CDH26: variants seen among roughly 807,000 people sequenced by gnomAD.
CDH26 encodes cadherin-like protein 26.
In CDH26, 83 loss-of-function variants were observed where a neutral mutation model predicts 90.3. That is an observed-to-expected ratio of 0.92 (90% CI 0.77 to 1.10). The LOEUF is 1.10. Ranked by LOEUF, CDH26 falls within the 50% of genes least tolerant of loss-of-function variation. The probability of loss-of-function intolerance (pLI) is 0.00; values close to 1 mark genes in which losing one functional copy is unlikely to be tolerated. For synonymous variants in CDH26, 397 were observed against 396.3 expected, an observed-to-expected ratio of 1.00 and a Z score of -0.02; for missense variants, 1,013 against 1,037.6, an observed-to-expected ratio of 0.98 and a Z score of 0.33.
rs1342905235 is a variant in CDH26, at chr20:59,971,876, C to T, written c.232-86C>T. ...GCTGGGTATAATTTCTTAAAGATGC[C>T]ATTGATTCTTAGCCTTGATACTTGA... is the stretch of plus-strand genomic sequence containing the variant. On this transcript the variant is annotated intron_variant, in intron 3 of 17. Transcript: ENST00000348616. 2.8e-6 allele frequency: 3 copies of T among 1,083,962 alleles called. No homozygotes were observed. The African/African-American group carries it at 4.7e-5, about 17-fold the overall frequency. 67.1% of individuals were successfully genotyped at this position (1,083,962 alleles called of 1,614,324 possible). A position where few individuals can be genotyped will look rare whatever the true frequency, so the allele number is the denominator to read the frequency against.
intron 8 of CDH26, among the ~76,000 whole-genome samples, chr20:60,032,544 C>G (rs988726423): frequency 1.3e-5 from 2 of 152,054 alleles, no homozygotes; most frequent in Non-Finnish European, 2.9e-5. Context: ...AAGACACATG[C>G]ACACGTATGT....
chr20:60,019,864 T>G (rs2146029812), intron 7 of CDH26, among the ~76,000 whole-genome samples: 1 of 152,340 alleles, frequency 6.6e-6, no homozygotes, highest in Non-Finnish European at 1.5e-5. Context: ...ATGGAAAAAC[T>G]TATTCATATA....
At chr20:59,993,587 A>G (rs1306866934) in intron 10 of CDH26, among the ~76,000 whole-genome samples, 2 of 152,242 alleles carry the variant, frequency 1.3e-5, no homozygotes, top group African/African-American at 4.8e-5. Context: ...GCAAAAAAAC[A>G]TGATTTCATT....
intron 13 of CDH26, among the ~76,000 whole-genome samples, chr20:59,998,736 C>A (rs1017529830): frequency 9.2e-5 from 14 of 152,162 alleles, no homozygotes; most frequent in Non-Finnish European, 2.1e-4. Flanking sequence ...ATCTGACTTT[C>A]ATATATAAAG....
intron 7 of CDH26, among the ~76,000 whole-genome samples, chr20:59,985,779 G>T (rs951744295): frequency 3.3e-5 from 5 of 152,178 alleles, no homozygotes; most frequent in Admixed American, 2.0e-4. Flanking sequence ...TTACATTTTT[G>T]ACTGCTGTAT....
At chr20:59,989,252 G>A (rs1215627405) in intron 9 of CDH26, 89 bp downstream of exon 9, 4 of 1,542,224 alleles carry the variant, frequency 2.6e-6, no homozygotes, top group Non-Finnish European at 3.5e-6. Flanking sequence ...AGCTCGGCCG[G>A]GCGCGGTGGC....
In CDH26 at chr20:59,967,969, T is replaced by A. The variant is rs370999207; in HGVS notation, c.70-998T>A. Among the ~76,000 whole-genome samples, 772 of 90,162 alleles carry A rather than the reference T, an allele frequency of 8.6e-3. 2 individuals carry two copies. The highest frequency in any genetic ancestry group is 0.026 in the Middle Eastern group (5 of 196). The allele number at this position is 90,162 out of a possible 152,430, so 59.1% of individuals were successfully genotyped here. A position where few individuals can be genotyped will look rare whatever the true frequency, so the allele number is the denominator to read the frequency against. On this transcript the variant is annotated intron_variant, in intron 1 of 17. Coordinates refer to ENST00000348616, the MANE Select transcript of CDH26 (RefSeq NM_177980.4). ...TTTCTTTCTTTCTATCTTTCTTTCTTTCTTTCTTTCTTTCTTTCTTTCTTT... is the reference window on the plus strand; with the variant it reads ...TTTCTTTCTTTCTATCTTTCTTTCTATCTTTCTTTCTTTCTTTCTTTCTTT...
Position 59,979,601 on chromosome 20 carries a change from C to CTTTTTTTTTT in CDH26, c.394-3288_394-3279dup, listed in dbSNP as rs559969476. On this transcript the variant is annotated intron_variant, in intron 4 of 17. Transcript: ENST00000348616. ...TGTGGTGAGATAAAGCTGCTATGCA[C>CTTTTTTTTTT]TTTTTTTTTTTTTTTTTTTTTTTTT... Among the ~76,000 whole-genome samples the CTTTTTTTTTT allele has an allele frequency of 1.7e-4, 8 of 47,498 alleles. 1 individual carries two copies. The highest frequency in any genetic ancestry group is 7.4e-4 in the South Asian group (1 of 1,352). 31.2% of individuals were successfully genotyped at this position (47,498 alleles called of 152,430 possible).
At chr20:60,021,849 TACAC>T (rs757813328) in intron 7 of CDH26, among the ~76,000 whole-genome samples, 1,057 of 42,474 alleles carry the variant, frequency 0.025, 35 homozygotes, top group East Asian at 0.058. Context: ...TCCTTATCTG[TACAC>T]ACACACACAC....
At chr20:59,967,813 A>ATT (rs1337342795) in intron 1 of CDH26, among the ~76,000 whole-genome samples, 61 of 44,040 alleles carry the variant, frequency 1.4e-3, no homozygotes, top group Non-Finnish European at 2.1e-3. Context: ...TCCCTCCCTC[A>ATT]TTTCTTTCTT....
chr20:59,975,273 G>A (rs1027481016), intron 4 of CDH26, among the ~76,000 whole-genome samples: 51 of 152,302 alleles, frequency 3.3e-4, no homozygotes, highest in Admixed American at 4.6e-4. Context: ...GAAGAAGAGA[G>A]AATCTTTGAC....
At chr20:59,999,520 T>C in intron 13 of CDH26, 66 bp from the exon 14 acceptor site, 4 of 1,367,050 alleles carry the variant, frequency 2.9e-6, no homozygotes, top group Non-Finnish European at 4.2e-6. Flanking sequence ...ATTCCTTTCC[T>C]TCTGTTTTTA....
exon 8 of CDH26, chr20:60,031,231 T>C (rs778109276): frequency 8.3e-7 from 1 of 1,209,940 alleles, no homozygotes. Context: ...CTTTGTGTAG[T>C]CTAAAGAGAG....
chr20:60,012,949 A>G lies in CDH26; in HGVS notation c.*219A>G. Reference sequence around the variant, plus strand: ...ACAAGTTACACTTTCTTAAAATTTGATTTGTCATATTTTCTAGAGAAACTT... The same window carrying G: ...ACAAGTTACACTTTCTTAAAATTTGGTTTGTCATATTTTCTAGAGAAACTT... On this transcript the variant is annotated 3_prime_UTR_variant, in exon 18 of 18. Transcript: ENST00000348616. The G allele has an allele frequency of 4.3e-6, 2 of 468,280 alleles. No individual in the cohort carries two copies. Among genetic ancestry groups the G allele is most frequent in the Non-Finnish European group, 7.6e-6 (2 of 264,656 alleles). 29.0% of individuals were successfully genotyped at this position (468,280 alleles called of 1,614,324 possible). A position where few individuals can be genotyped will look rare whatever the true frequency, so the allele number is the denominator to read the frequency against.
intron 11 of CDH26, 32 bp downstream of exon 11, chr20:59,994,521 T>A: frequency 6.2e-7 from 1 of 1,607,758 alleles, no homozygotes; most frequent in Non-Finnish European, 8.5e-7. Context: ...GGGCAAAGAG[T>A]GGAAAATGCC....
chr20:60,006,944 CAGA>C (rs1256007397), intron 17 of CDH26, among the ~76,000 whole-genome samples, 157 bp downstream of exon 17: 1 of 152,168 alleles, frequency 6.6e-6, no homozygotes, highest in African/African-American at 2.4e-5. Context: ...GCTTAAATAA[CAGA>C]AATATATTGC....
rs559969476 is a variant in CDH26 at position 59,979,601 on chromosome 20, C to CTTTTT, written c.394-3283_394-3279dup. Among the ~76,000 whole-genome samples, 21 of 47,498 alleles carry CTTTTT rather than the reference C, an allele frequency of 4.4e-4. 2 individuals carry two copies. Among genetic ancestry groups the CTTTTT allele is most frequent in the Non-Finnish European group, 6.9e-4 (17 of 24,674 alleles). The allele number at this position is 47,498 out of a possible 152,430, so 31.2% of individuals were successfully genotyped here. ...TGTGGTGAGATAAAGCTGCTATGCA[C>CTTTTT]TTTTTTTTTTTTTTTTTTTTTTTTT... On this transcript the variant is annotated intron_variant, in intron 4 of 17. Transcript: ENST00000348616.
intron 7 of CDH26, among the ~76,000 whole-genome samples, chr20:60,019,869 C>T (rs1350268104): frequency 6.6e-6 from 1 of 152,142 alleles, no homozygotes; most frequent in East Asian, 1.9e-4. Flanking sequence ...AAAACTTATT[C>T]ATATAGATGG....
In CDH26 at chr20:59,971,999, A is replaced by G. The variant is rs1255729004; in HGVS notation, c.269A>G (p.Tyr90Cys). 1 of 1,613,578 alleles carries G rather than the reference A, an allele frequency of 6.2e-7. No individual in the cohort carries two copies. ...NNMSYNMSLM[Y>C]LISGPGVDEY... ...ATGTCTTATAACATGTCACTAATGT[A>G]TCTAATCAGTGGACCTGGTGTGGAT... is the stretch of plus-strand genomic sequence containing the variant. Residue 90 changes from tyrosine (Y) to cysteine (C), a missense_variant, in exon 4 of 18, where the codon TAT (tyrosine) becomes TGT (cysteine). Physicochemically the swap from Tyr to Cys is radical, Grantham distance 194. Transcript: ENST00000348616.
Sources: allele counts gnomAD v4.1 joint callset (sites outside exome capture counted in the v4.1 genomes callset), GRCh38; gene constraint gnomAD v4.1.1; transcripts MANE v1.5; gene names NCBI Gene and HGNC (gene_info 2026-07-23, HGNC 2026-07-21).